The following TANC2 variants were observed in gnomAD, a reference collection of about 807,000 sequenced individuals.
The protein encoded by TANC2 is protein TANC2.
In TANC2, 26 loss-of-function variants were observed where a neutral mutation model predicts 210.5. That is an observed-to-expected ratio of 0.12 (90% CI 0.09 to 0.17). The LOEUF (loss-of-function observed/expected upper bound fraction) is 0.17, where lower values mean the gene tolerates loss of function less well. Among genes scored for constraint, TANC2 ranks in the 10% least tolerant of loss-of-function variants. The pLI is 1.00. For missense variants in TANC2, 2,129 were observed against 2,608.9 expected, an observed-to-expected ratio of 0.82 and a Z score of 4.01; for synonymous variants, 931 against 967.1, an observed-to-expected ratio of 0.96 and a Z score of 0.69.
intron 5 of TANC2, among the ~76,000 whole-genome samples, chr17:63,189,313 CTA>C (rs1466987948): frequency 3.3e-5 from 5 of 152,220 alleles, no homozygotes; most frequent in Middle Eastern, 6.8e-3. Flanking sequence ...CATGGTAACT[CTA>C]TGTGTAACAT....
chr17:63,139,771 G>A (rs533752842), intron 4 of TANC2, among the ~76,000 whole-genome samples: 2 of 152,258 alleles, frequency 1.3e-5, no homozygotes, highest in East Asian at 3.9e-4. Context: ...GGGTGTGGTG[G>A]CATGCGCCTG....
At chr17:63,188,063 A>G (rs553400471) in intron 5 of TANC2, among the ~76,000 whole-genome samples, 259 of 152,276 alleles carry the variant, frequency 1.7e-3, no homozygotes, top group African/African-American at 6.0e-3. Flanking sequence ...AAATTTCTTC[A>G]GGCAAAAGAA....
At chr17:63,340,066 A>G (rs1335528959) in intron 11 of TANC2, 35 bp from the exon 12 acceptor site, 1 of 1,511,192 alleles carries the variant, frequency 6.6e-7, no homozygotes, top group South Asian at 1.1e-5. Context: ...CTTACTACTG[A>G]TAAGCCTGTT....
At chr17:63,206,666 A>G (rs1482699841) in intron 7 of TANC2, among the ~76,000 whole-genome samples, 1 of 152,206 alleles carries the variant, frequency 6.6e-6, no homozygotes, top group Non-Finnish European at 1.5e-5. Flanking sequence ...TCATAGAGAC[A>G]AAAAGTAGAA....
chr17:63,340,379 A>C, intron 12 of TANC2, 47 bp downstream of exon 12: 1 of 1,499,710 alleles, frequency 6.7e-7, no homozygotes, highest in Non-Finnish European at 9.2e-7. Flanking sequence ...TTTAGAGCCC[A>C]AGTTCACCCG....
At chr17:63,208,371 C>T (rs963016438) in intron 7 of TANC2, among the ~76,000 whole-genome samples, 2 of 152,078 alleles carry the variant, frequency 1.3e-5, no homozygotes, top group Non-Finnish European at 2.9e-5. Context: ...TTATTCAATC[C>T]ATTGGTAAAT....
chr17:63,060,778 T>A (rs1192350225), intron 2 of TANC2, among the ~76,000 whole-genome samples: 3 of 152,228 alleles, frequency 2.0e-5, no homozygotes, highest in Non-Finnish European at 4.4e-5. Flanking sequence ...ATTCACTGAG[T>A]TTTTACATGT....
In TANC2 at chr17:62,966,296, C is replaced by T. The variant is rs2031327212; in HGVS notation, c.-477C>T. Among the ~76,000 whole-genome samples the T allele has an allele frequency of 6.8e-6, 1 of 146,106 alleles. No homozygotes were observed. Among genetic ancestry groups the T allele is most frequent in the Non-Finnish European group, 1.5e-5 (1 of 65,764 alleles). On this transcript the variant is annotated 5_prime_UTR_variant, in exon 1 of 28. Coordinates refer to ENST00000689528, the Ensembl canonical transcript of TANC2. This position sits in a 1 kb window ranked among gnomAD's most constrained non-coding sequence, Gnocchi z 5.1. ...CTGGGCGCGCTGCTCCGGCGGGGCC[C>T]GCTGGCACAGCCGCCTCGCGCGAGC...
chr17:63,183,464 G>A (rs1380679526), intron 5 of TANC2, among the ~76,000 whole-genome samples: 2 of 152,166 alleles, frequency 1.3e-5, no homozygotes, highest in Non-Finnish European at 1.5e-5. Flanking sequence ...ATGAATGCTA[G>A]CAACTTAGTT....
At chr17:63,008,414 C>T (rs573725729) in intron 1 of TANC2, among the ~76,000 whole-genome samples, 1 of 152,122 alleles carries the variant, frequency 6.6e-6, no homozygotes, top group South Asian at 2.1e-4. Context: ...TTTCTGTTGA[C>T]CTGTGTCCCA....
intron 6 of TANC2, among the ~76,000 whole-genome samples, chr17:63,198,488 G>T (rs1048292735): frequency 6.6e-6 from 1 of 152,040 alleles, no homozygotes; most frequent in Non-Finnish European, 1.5e-5. Flanking sequence ...AGGCCACCAT[G>T]CTGGGCCTAA....
At chr17:63,067,256 A>G (rs1011987054) in intron 2 of TANC2, among the ~76,000 whole-genome samples, 1 of 152,208 alleles carries the variant, frequency 6.6e-6, no homozygotes. Flanking sequence ...GCAAGGGAAA[A>G]GACAACAGAT....
At chr17:62,986,344 C>T (rs1160952249) in intron 1 of TANC2, among the ~76,000 whole-genome samples, 8 of 152,076 alleles carry the variant, frequency 5.3e-5, no homozygotes, top group Admixed American at 5.2e-4. Context: ...TGGCCTGGGA[C>T]GTGCCTGCCA....
chr17:63,061,392 A>G (rs1168422382), intron 2 of TANC2, among the ~76,000 whole-genome samples: 9 of 152,070 alleles, frequency 5.9e-5, no homozygotes, highest in African/African-American at 2.2e-4. Context: ...CAAAAAACAA[A>G]CAAAAAGATT....
At chr17:63,038,573 G>C (rs778689694) in intron 2 of TANC2, among the ~76,000 whole-genome samples, 15 of 152,040 alleles carry the variant, frequency 9.9e-5, no homozygotes, top group Non-Finnish European at 1.8e-4. Context: ...CTGTTTTCTG[G>C]AAGAAATTGT....
chr17:63,046,009 A>C (rs1389129665), intron 2 of TANC2, among the ~76,000 whole-genome samples: 1 of 152,144 alleles, frequency 6.6e-6, no homozygotes, highest in Non-Finnish European at 1.5e-5. Context: ...TTATCCAACT[A>C]CTTAATCATT....
chr17:63,203,234 T>C (rs1235777811), intron 7 of TANC2, among the ~76,000 whole-genome samples: 1 of 152,218 alleles, frequency 6.6e-6, no homozygotes, highest in Non-Finnish European at 1.5e-5. Context: ...CTGAAAACTC[T>C]TAAAACCGTA....
chr17:63,315,223 T>C (rs1039211499), intron 10 of TANC2, among the ~76,000 whole-genome samples: 1 of 152,216 alleles, frequency 6.6e-6, no homozygotes, highest in Non-Finnish European at 1.5e-5. Flanking sequence ...TACCAGGATC[T>C]TACTGATTTA....
chr17:63,022,168 A>G (rs2034376003), intron 2 of TANC2, among the ~76,000 whole-genome samples: 1 of 151,952 alleles, frequency 6.6e-6, no homozygotes, highest in African/African-American at 2.4e-5. Flanking sequence ...GTGAAACCCC[A>G]TCTGTACTAA....
Sources: allele counts gnomAD v4.1 joint callset (sites outside exome capture counted in the v4.1 genomes callset), GRCh38; gene constraint gnomAD v4.1.1; non-coding constraint Gnocchi (gnomAD v3.1); transcripts MANE v1.5; gene names NCBI Gene and HGNC (gene_info 2026-07-23, HGNC 2026-07-21).